The following TRAPPC8 variants were observed in gnomAD, a reference collection of about 807,000 sequenced individuals.
TRAPPC8 encodes the protein trafficking protein particle complex subunit 8.
Under a neutral mutation model 174.3 loss-of-function variants are expected in TRAPPC8, and 54 were observed. The ratio of observed to expected loss-of-function variants is 0.31; its 90% CI spans 0.25 to 0.39. The LOEUF (loss-of-function observed/expected upper bound fraction) is 0.39. Among genes scored for constraint, TRAPPC8 ranks in the 10% least tolerant of loss-of-function variants. The pLI is 1.00. For missense variants in TRAPPC8, 1,531 were observed against 1,699.1 expected, an observed-to-expected ratio of 0.90 and a Z score of 1.74; for synonymous variants, 630 against 579.9, an observed-to-expected ratio of 1.09 and a Z score of -1.24.
At chr18:31,849,423 A>C in intron 25 of TRAPPC8, 143 bp downstream of exon 25, 1 of 731,646 alleles carries the variant, frequency 1.4e-6, no homozygotes, top group Non-Finnish European at 1.9e-6. Context: ...TAGGCCAAAA[A>C]AAAATATGTA....
At chr18:31,864,900 T>C (rs531309020) in intron 18 of TRAPPC8, 119 bp from the exon 19 acceptor site, 2 of 891,046 alleles carry the variant, frequency 2.2e-6, no homozygotes, top group South Asian at 2.0e-5. Context: ...CTAGACAATT[T>C]TGATTAACAT....
At chr18:31,916,468 G>A (rs1286289519) in intron 3 of TRAPPC8, 22 bp from the exon 4 acceptor site, 10 of 1,587,130 alleles carry the variant, frequency 6.3e-6, no homozygotes, top group Non-Finnish European at 8.6e-6. Flanking sequence ...TATTATTAAG[G>A]TAATTATCGC....
intron 18 of TRAPPC8, among the ~76,000 whole-genome samples, chr18:31,865,175 G>A (rs2034527435): frequency 6.6e-6 from 1 of 151,954 alleles, no homozygotes; most frequent in Non-Finnish European, 1.5e-5. Flanking sequence ...CAATGAAAAG[G>A]TCAACTTTTT....
intron 26 of TRAPPC8, among the ~76,000 whole-genome samples, chr18:31,846,045 G>A (rs188798258): frequency 6.6e-6 from 1 of 152,080 alleles, no homozygotes; most frequent in African/African-American, 2.4e-5. Context: ...ATGATATCCT[G>A]TTATAACAAA....
At chr18:31,887,327 G>C (rs765577576) in intron 12 of TRAPPC8, among the ~76,000 whole-genome samples, 1 of 152,146 alleles carries the variant, frequency 6.6e-6, no homozygotes, top group Non-Finnish European at 1.5e-5. Context: ...TCAATAAACT[G>C]GGTATCAAAG....
rs141629139 is a variant in TRAPPC8, at chr18:31,867,448, G to A, written c.2417C>T (p.Ala806Val). 6,191 of 1,607,508 alleles carry A rather than the reference G, an allele frequency of 3.9e-3. 30 individuals carry two copies. Among genetic ancestry groups the A allele is most frequent in the Non-Finnish European group, 4.2e-3 (4,990 of 1,175,550 alleles). The change falls in exon 17 of 29, where the codon GCT (alanine) becomes GTT (valine). Residue 806 changes from alanine to valine, a missense_variant. Ala to Val is a moderately conservative substitution (Grantham distance 64). Transcript: ENST00000283351. ...AATTAAGAACTCTGAAATAACTTCA[G>A]CTCCAATCATTTCAGGTTCACTTGT... ...LVTSEPEMIG[A>V]EVISEFLING...
At chr18:31,896,775 C>A (rs2036203074) in intron 11 of TRAPPC8, among the ~76,000 whole-genome samples, 1 of 152,086 alleles carries the variant, frequency 6.6e-6, no homozygotes, top group South Asian at 2.1e-4. Flanking sequence ...AGGTGTGCAC[C>A]ACCATGCCTG....
intron 4 of TRAPPC8, among the ~76,000 whole-genome samples, chr18:31,914,673 T>G (rs2037056970): frequency 6.6e-6 from 1 of 152,200 alleles, no homozygotes; most frequent in Non-Finnish European, 1.5e-5. Flanking sequence ...TAATGATTAT[T>G]AAACTACATT....
chr18:31,936,491 A>G (rs561215531), intron 1 of TRAPPC8, among the ~76,000 whole-genome samples: 2 of 152,278 alleles, frequency 1.3e-5, no homozygotes, highest in Admixed American at 6.5e-5. Flanking sequence ...AAATGAAAAC[A>G]AATTTCGAAA....
At chr18:31,934,337 C>G (rs1382286728) in intron 1 of TRAPPC8, among the ~76,000 whole-genome samples, 2 of 151,818 alleles carry the variant, frequency 1.3e-5, no homozygotes, top group African/African-American at 4.8e-5. Context: ...AGATAAAAAG[C>G]AAATATGATG....
chr18:31,873,388 A>T (rs761337621), intron 14 of TRAPPC8, 42 bp downstream of exon 14: 8 of 1,474,194 alleles, frequency 5.4e-6, no homozygotes, highest in African/African-American at 2.8e-5. Context: ...AGTTTTTTTT[A>T]AATTGTCATT....
At chr18:31,881,573 G>C (rs1300822595) in intron 12 of TRAPPC8, among the ~76,000 whole-genome samples, 1 of 152,032 alleles carries the variant, frequency 6.6e-6, no homozygotes, top group Admixed American at 6.6e-5. Flanking sequence ...TACCCTTCTG[G>C]ACATCACCCT....
intron 12 of TRAPPC8, among the ~76,000 whole-genome samples, chr18:31,880,110 TA>T (rs2035363592): frequency 4.4e-5 from 4 of 91,896 alleles, no homozygotes; most frequent in Admixed American, 2.9e-4. Flanking sequence ...TATATATATA[TA>T]TATATATATA....
chr18:31,874,711 G>T lies in TRAPPC8; in HGVS notation c.1729-7C>A. The T allele has an allele frequency of 6.2e-7, 1 of 1,605,944 alleles. No individual in the cohort carries two copies. The highest frequency in any genetic ancestry group is 2.2e-5 in the East Asian group (1 of 44,804). On this transcript the variant is annotated splice_region_variant and splice_polypyrimidine_tract_variant and intron_variant, in intron 12 of 28. Coordinates refer to ENST00000283351, the MANE Select transcript of TRAPPC8 (RefSeq NM_014939.5). ...AGCGTAAAGCATGCTTTTTCTGTAAGAAAATAAACAAAATAATGTATTATA... is the reference window on the plus strand; with the variant it reads ...AGCGTAAAGCATGCTTTTTCTGTAATAAAATAAACAAAATAATGTATTATA...
At chr18:31,875,546 T>C (rs1284987752) in intron 12 of TRAPPC8, among the ~76,000 whole-genome samples, 4 of 152,100 alleles carry the variant, frequency 2.6e-5, no homozygotes, top group East Asian at 1.9e-4. Flanking sequence ...GGGCAAGACA[T>C]GACGGGGTTC....
At chr18:31,923,591 T>TA (rs1340078830) in intron 2 of TRAPPC8, among the ~76,000 whole-genome samples, 1 of 152,202 alleles carries the variant, frequency 6.6e-6, no homozygotes, top group Non-Finnish European at 1.5e-5. Flanking sequence ...TTAAAATGGA[T>TA]AAAATCACTT....
At chr18:31,873,351 C>A in intron 14 of TRAPPC8, 79 bp downstream of exon 14, 1 of 1,195,020 alleles carries the variant, frequency 8.4e-7, no homozygotes, top group Non-Finnish European at 1.2e-6. Context: ...AACTATACAT[C>A]GTTTTTTAAA....
At chr18:31,890,974 T>A in intron 11 of TRAPPC8, 108 bp from the exon 12 acceptor site, 1 of 1,065,878 alleles carries the variant, frequency 9.4e-7, no homozygotes, top group Non-Finnish European at 1.3e-6. Flanking sequence ...ATCCAATGTT[T>A]AACTTAAGAG....
chr18:31,909,755 T>A lies in TRAPPC8; in HGVS notation c.777A>T (p.Ser259=). 6.4e-7 allele frequency: 1 copy of A among 1,567,736 alleles called. No individual in the cohort carries two copies. The highest frequency in any genetic ancestry group is 8.6e-7 in the Non-Finnish European group (1 of 1,160,614). Residue 259 remains serine (S), a synonymous_variant, in exon 6 of 29, where the codon TCA becomes TCT. Coordinates refer to ENST00000283351, the MANE Select transcript of TRAPPC8 (RefSeq NM_014939.5). ...TTATAGTACAAGGGCCATCTTCATA[T>A]GATTCCTATCAAAATAAAATTTAAA... The part of the protein sequence containing the change: ...LQKNSIQNQE[S]YEDGPCTITS...
Sources: allele counts gnomAD v4.1 joint callset (sites outside exome capture counted in the v4.1 genomes callset), GRCh38; gene constraint gnomAD v4.1.1; transcripts MANE v1.5; gene names NCBI Gene and HGNC (gene_info 2026-07-23, HGNC 2026-07-21).